Variants in AGPAT4 observed in about 807,000 individuals in gnomAD.
AGPAT4 encodes the protein 1-acyl-sn-glycerol-3-phosphate acyltransferase delta.
Under a neutral mutation model 48.0 loss-of-function variants are expected in AGPAT4, and 15 were observed. The observed-to-expected ratio is 0.31, with a 90% CI of 0.21 to 0.48. The LOEUF (loss-of-function observed/expected upper bound fraction) is 0.48. AGPAT4 is among the 20% of genes least tolerant of loss of function. The pLI is 0.99. For synonymous variants in AGPAT4, 178 were observed against 198.7 expected, an observed-to-expected ratio of 0.90 and a Z score of 0.88; for missense variants, 314 against 482.5, an observed-to-expected ratio of 0.65 and a Z score of 3.27.
rs1278938426 is a variant in AGPAT4 at position 161,137,577 on chromosome 6, A to G, written c.1043-943T>C. Among the ~76,000 whole-genome samples, 1 of 152,178 alleles carries G rather than the reference A, an allele frequency of 6.6e-6. No homozygotes were observed. On this transcript the variant is annotated intron_variant, in intron 8 of 8. Coordinates refer to ENST00000320285, the MANE Select transcript of AGPAT4 (RefSeq NM_020133.3). The surrounding 1 kb of genome is among the most constrained non-coding windows in gnomAD (Gnocchi z 6.1). The stretch of plus-strand genomic sequence containing the variant: ...CATGGAGCGTAACAGTAACAGTGAG[A>G]GTGGAGTTATTGTAGAGCAGAAAGA...
At position 161,158,546 on chromosome 6, in the gene AGPAT4, G is replaced by A. The variant is rs1041708954; in HGVS notation, c.349-4236C>T. On this transcript the variant is annotated intron_variant, in intron 3 of 8. Coordinates refer to ENST00000320285, the MANE Select transcript of AGPAT4 (RefSeq NM_020133.3). The surrounding 1 kb of genome is among the most constrained non-coding windows in gnomAD (Gnocchi z 5.3). The stretch of plus-strand genomic sequence containing the variant: ...GTGCTTGGAGCTAATCTAGTTGAGC[G>A]ACCCATCCTGAGGCTCCCCACAGCT... Among the ~76,000 whole-genome samples, 6 of 152,152 alleles carry A rather than the reference G, an allele frequency of 3.9e-5. No individual in the cohort carries two copies. Among genetic ancestry groups the A allele is most frequent in the Admixed American group, 6.5e-5 (1 of 15,284 alleles).
At chr6:161,210,324 T>C (rs1456208049) in intron 2 of AGPAT4, among the ~76,000 whole-genome samples, 1 of 152,222 alleles carries the variant, frequency 6.6e-6, no homozygotes, top group Non-Finnish European at 1.5e-5. Flanking sequence ...TTTCCTTTAA[T>C]ATGCAAATTT....
Position 161,136,487 on chromosome 6 carries a change from G to A in AGPAT4, c.*53C>T. 2 of 1,534,682 alleles carry A rather than the reference G, an allele frequency of 1.3e-6. No individual in the cohort carries two copies. Among genetic ancestry groups the A allele is most frequent in the Non-Finnish European group, 1.8e-6 (2 of 1,109,896 alleles). Reference sequence around the variant, plus strand: ...CACCGTGTCCCACTAAGGAGGATATGCAGAGGCCACCAGTTCCCCAAGGTT... The same window carrying A: ...CACCGTGTCCCACTAAGGAGGATATACAGAGGCCACCAGTTCCCCAAGGTT... On this transcript the variant is annotated 3_prime_UTR_variant, in exon 9 of 9. Transcript: ENST00000320285.
At chr6:161,273,220 T>C (rs1321851) in intron 1 of AGPAT4, among the ~76,000 whole-genome samples, 79,320 of 152,044 alleles carry the variant, frequency 0.52, 22,920 homozygotes, top group African/African-American at 0.77. Context: ...CAAAGCATTC[T>C]TTTTTTAATT....
At position 161,219,422 on chromosome 6, in the gene AGPAT4, G is replaced by T. The variant is rs1011630686; in HGVS notation, c.178+12614C>A. On this transcript the variant is annotated intron_variant, in intron 2 of 8. Coordinates refer to ENST00000320285, the MANE Select transcript of AGPAT4 (RefSeq NM_020133.3). This position sits in a 1 kb window ranked among gnomAD's most constrained non-coding sequence, Gnocchi z 4.9. ...AAGGAACATAAATAGAAGCTCTCAG[G>T]TTTGTTTTTTCTATACCCCAATGGC... Among the ~76,000 whole-genome samples, 2 of 151,740 alleles carry T rather than the reference G, an allele frequency of 1.3e-5. No individual in the cohort carries two copies. The highest frequency in any genetic ancestry group is 4.8e-5 in the African/African-American group (2 of 41,276).
chr6:161,190,951 G>A (rs1780906157), intron 2 of AGPAT4, among the ~76,000 whole-genome samples: 1 of 152,174 alleles, frequency 6.6e-6, no homozygotes, highest in Non-Finnish European at 1.5e-5. Context: ...GAGGAAAAAA[G>A]TTTTTTCCAG....
At chr6:161,247,981 C>CAAA (rs143168079) in intron 1 of AGPAT4, among the ~76,000 whole-genome samples, 10 of 28,210 alleles carry the variant, frequency 3.5e-4, no homozygotes, top group African/African-American at 7.6e-4. Flanking sequence ...GACTCTGTCT[C>CAAA]AAAAAAAAAA....
Position 161,149,499 on chromosome 6 carries a change from A to G in AGPAT4, c.665-210T>C, listed in dbSNP as rs1477266677. On this transcript the variant is annotated intron_variant, in intron 5 of 8. Transcript: ENST00000320285. This position sits in a 1 kb window ranked among gnomAD's most constrained non-coding sequence, Gnocchi z 6.5. ...CATAAAATCCCACTAGAACTTAGTA[A>G]TAGAAAACAGGGTCATTGCTGAAGT... Among the ~76,000 whole-genome samples, 2 of 152,162 alleles carry G rather than the reference A, an allele frequency of 1.3e-5. No homozygotes were observed. Among genetic ancestry groups the G allele is most frequent in the African/African-American group, 2.4e-5 (1 of 41,438 alleles).
rs191319503 is a variant in AGPAT4 at position 161,163,897 on chromosome 6, G to A, written c.348+2351C>T. Among the ~76,000 whole-genome samples the A allele has an allele frequency of 6.0e-4, 91 of 152,288 alleles. 2 individuals are homozygous for A. In the East Asian group the frequency reaches 0.01, roughly 17 times the overall value. ...TATTTCACCTGTAAGTGGAGCCCCC[G>A]AAGACTCTAATCCTAAGCACAGTCT... is the stretch of plus-strand genomic sequence containing the variant. On this transcript the variant is annotated intron_variant, in intron 3 of 8. Coordinates refer to ENST00000320285, the MANE Select transcript of AGPAT4 (RefSeq NM_020133.3).
intron 1 of AGPAT4, among the ~76,000 whole-genome samples, chr6:161,256,159 C>T (rs1270428646): frequency 6.6e-6 from 1 of 152,108 alleles, no homozygotes; most frequent in Non-Finnish European, 1.5e-5. Context: ...AACAGATCCC[C>T]CTCAACTGAA....
intron 3 of AGPAT4, among the ~76,000 whole-genome samples, chr6:161,162,359 C>A (rs917081194): frequency 3.3e-5 from 5 of 152,244 alleles, no homozygotes. Flanking sequence ...TCTCCCGGGT[C>A]CCGGTTACAG....
chr6:161,173,520 G>C (rs1459008125), intron 2 of AGPAT4, among the ~76,000 whole-genome samples: 1 of 152,090 alleles, frequency 6.6e-6, no homozygotes, highest in Non-Finnish European at 1.5e-5. Flanking sequence ...ATCTGTTTAA[G>C]TTCATTGTAG....
chr6:161,268,244 T>C (rs2114762467), intron 1 of AGPAT4, among the ~76,000 whole-genome samples: 2 of 152,370 alleles, frequency 1.3e-5, no homozygotes, highest in South Asian at 4.1e-4. Context: ...TTGCATATCC[T>C]GTAAGTCAGC....
intron 2 of AGPAT4, among the ~76,000 whole-genome samples, chr6:161,228,016 T>C (rs2115032995): frequency 6.6e-6 from 1 of 152,310 alleles, no homozygotes; most frequent in East Asian, 1.9e-4. Flanking sequence ...AAGTTACCTG[T>C]CCAAGTGATG....
chr6:161,183,431 C>T (rs1459427939), intron 2 of AGPAT4, among the ~76,000 whole-genome samples: 1 of 151,580 alleles, frequency 6.6e-6, no homozygotes, highest in Non-Finnish European at 1.5e-5. Flanking sequence ...ACCAGCCTGG[C>T]CAACATAGTG....
intron 3 of AGPAT4, among the ~76,000 whole-genome samples, chr6:161,162,240 GCCTCCT>G (rs1432699240): frequency 6.6e-6 from 1 of 152,220 alleles, no homozygotes; most frequent in African/African-American, 2.4e-5. Context: ...TGTGATCCTG[GCCTCCT>G]GGCACCCACG....
rs1781266678 is a variant in AGPAT4, at chr6:161,202,655, T to C, written c.178+29381A>G. On this transcript the variant is annotated intron_variant, in intron 2 of 8. Coordinates refer to ENST00000320285, the MANE Select transcript of AGPAT4 (RefSeq NM_020133.3). This position sits in a 1 kb window ranked among gnomAD's most constrained non-coding sequence, Gnocchi z 5.4. ...GTATATCCCGCAGGCTCTTCTAGAA[T>C]GTAAGTCATTCCCCCATCGAGAGGT... Among the ~76,000 whole-genome samples, 1 of 152,174 alleles carries C rather than the reference T, an allele frequency of 6.6e-6. No individual in the cohort carries two copies. Among genetic ancestry groups the C allele is most frequent in the Non-Finnish European group, 1.5e-5 (1 of 68,040 alleles).
chr6:161,266,552 G>A lies in AGPAT4; in HGVS notation c.-90+7386C>T, dbSNP rs1220826320. Among the ~76,000 whole-genome samples the A allele has an allele frequency of 2.6e-5, 4 of 152,200 alleles. No individual in the cohort carries two copies. In the East Asian group the frequency reaches 5.8e-4, roughly 22 times the overall value. On this transcript the variant is annotated intron_variant, in intron 1 of 8. Coordinates refer to ENST00000320285, the MANE Select transcript of AGPAT4 (RefSeq NM_020133.3). This position sits in a 1 kb window ranked among gnomAD's most constrained non-coding sequence, Gnocchi z 6.2. The stretch of plus-strand genomic sequence containing the variant: ...GGAGAGCGTCAGGAAAGCAGAGGCT[G>A]GAGGCAGATGCTAGAAATGGACTCA...
At chr6:161,257,634 A>G (rs1782977929) in intron 1 of AGPAT4, among the ~76,000 whole-genome samples, 1 of 152,224 alleles carries the variant, frequency 6.6e-6, no homozygotes, top group Non-Finnish European at 1.5e-5. Flanking sequence ...AACTGCTGAA[A>G]TCCAACATCA....
Sources: gnomAD v4.1 joint callset for allele counts (sites outside exome capture counted in the v4.1 genomes callset) on GRCh38, gnomAD v4.1.1 for gene constraint, Gnocchi (gnomAD v3.1) non-coding constraint, MANE v1.5 for transcripts, NCBI Gene and HGNC (gene_info 2026-07-23, HGNC 2026-07-21) for gene names.